BEST2: variants seen among roughly 807,000 people sequenced by gnomAD.
BEST2 encodes bestrophin-2a.
A neutral mutation model predicts 49.0 loss-of-function variants in BEST2; 36 were observed. The ratio of observed to expected loss-of-function variants is 0.73; its 90% CI spans 0.56 to 0.97. BEST2 has a LOEUF of 0.97. Among genes scored for constraint, BEST2 ranks in the 50% least tolerant of loss-of-function variants. BEST2 has a pLI of 0.00. For synonymous variants in BEST2, 335 were observed against 304.4 expected, an observed-to-expected ratio of 1.10 and a Z score of -1.05; for missense variants, 672 against 710.0, an observed-to-expected ratio of 0.95 and a Z score of 0.61.
rs867456508 is a variant in BEST2 at position 12,754,907 on chromosome 19, T to C, written c.512T>C (p.Phe171Ser). The change falls in exon 5 of 10, where the codon TTT (phenylalanine) becomes TCT (serine). Residue 171 changes from phenylalanine (F) to serine (S), a missense_variant. Phe to Ser is a radical substitution (Grantham distance 155). Coordinates refer to ENST00000553030, the MANE Select transcript of BEST2 (RefSeq NM_017682.3). Reference sequence around the variant, plus strand: ...ATGACCCGCGAGGAGCGCAAGAAGTTTGAAAACCTGAACTCATCCTACAAC... The same window carrying C: ...ATGACCCGCGAGGAGCGCAAGAAGTCTGAAAACCTGAACTCATCCTACAAC... ...GFMTREERKK[F>S]ENLNSSYNKY... The C allele has an allele frequency of 1.9e-6, 3 of 1,613,530 alleles. No homozygotes were observed. The highest frequency in any genetic ancestry group is 1.3e-5 in the African/African-American group (1 of 74,894).
chr19:12,752,350 G>A (rs1035861513), intron 1 of BEST2, among the ~76,000 whole-genome samples, 192 bp from the exon 2 acceptor site: 6 of 151,830 alleles, frequency 4.0e-5, no homozygotes, highest in African/African-American at 7.3e-5. Flanking sequence ...CAGAGCCCAC[G>A]GCCAGGAGTC....
In BEST2 at chr19:12,757,967, A is replaced by G. The variant is rs1470379023; in HGVS notation, c.1420A>G (p.Ile474Val). 1.2e-6 allele frequency: 2 copies of G among 1,607,764 alleles called. No homozygotes were observed. Among genetic ancestry groups the G allele is most frequent in the Admixed American group, 3.4e-5 (2 of 59,264 alleles). ...PPAGPEPLTL[I>V]PGPVEPFSIV... ...TGCGGGTCCCGAACCGCTTACCCTC[A>G]TCCCTGGGCCTGTCGAGCCCTTCAG... Residue 474 changes from isoleucine (I) to valine (V), a missense_variant, in exon 10 of 10, where the codon ATC (isoleucine) becomes GTC (valine). Transcript: ENST00000553030.
rs759214860 is a variant in BEST2, at chr19:12,755,451, A to G, written c.709A>G (p.Thr237Ala). Residue 237 changes from threonine (T) to alanine (A), a missense_variant, in exon 6 of 10, where the codon ACG (threonine) becomes GCG (alanine). Physicochemically the swap from Thr to Ala is moderately conservative, Grantham distance 58 (BLOSUM62 0). Around this residue, in one of 3 missense-constraint regions of BEST2, gnomAD observed 365 missense variants for 390.9 expected, o/e 0.93. Transcript: ENST00000553030. This position sits in a 1 kb window ranked among gnomAD's most constrained non-coding sequence, Gnocchi z 4.4. ...CTGGATTAGCGTACCCCTCGTGTAC[A>G]CGCAGGTAACCCCATCATGCCTCTT... ...YDWISVPLVYTQVVTIALYSY... is the reference protein window; with the variant it reads ...YDWISVPLVYAQVVTIALYSY... The G allele has an allele frequency of 9.3e-6, 15 of 1,614,122 alleles. No homozygotes were observed. The highest frequency in any genetic ancestry group is 1.0e-5 in the Non-Finnish European group (12 of 1,180,006).
At chr19:12,756,109 C>G in intron 8 of BEST2, 32 bp from the exon 9 acceptor site, 2 of 1,613,352 alleles carry the variant, frequency 1.2e-6, no homozygotes, top group South Asian at 2.2e-5. Flanking sequence ...GTTGCCCTGC[C>G]CCCACTTTAC....
chr19:12,756,097 G>T (rs371229829), intron 8 of BEST2, 44 bp from the exon 9 acceptor site: 2 of 1,612,272 alleles, frequency 1.2e-6, no homozygotes, highest in South Asian at 1.1e-5. Flanking sequence ...TGGTCCCGGC[G>T]GGTTGCCCTG....
chr19:12,752,696 A>G lies in BEST2; in HGVS notation c.104A>G (p.Glu35Gly). ...AGCATCTACAAACTCCTGTGGCGAG[A>G]GCTGCTCTGCTTCCTTGGGTTCTAC... is the stretch of plus-strand genomic sequence containing the variant. ...RGSIYKLLWR[E>G]LLCFLGFYMA... Residue 35 changes from glutamate to glycine, a missense_variant, in exon 2 of 10, where the codon GAG (glutamate) becomes GGG (glycine). Glu to Gly is a moderately conservative substitution (Grantham distance 98). This residue lies in a region of BEST2 where 365 missense variants were observed against 390.9 expected (regional missense o/e 0.93). Coordinates refer to ENST00000553030, the MANE Select transcript of BEST2 (RefSeq NM_017682.3). The G allele has an allele frequency of 3.7e-6, 6 of 1,612,192 alleles. No homozygotes were observed. The highest frequency in any genetic ancestry group is 5.1e-6 in the Non-Finnish European group (6 of 1,179,800).
intron 2 of BEST2, 95 bp downstream of exon 2, chr19:12,752,839 A>AT: frequency 1.1e-6 from 1 of 901,560 alleles, no homozygotes; most frequent in Non-Finnish European, 1.4e-6. Context: ...AGAGATATAT[A>AT]AGTATATATA....
rs1282890594 is a variant in BEST2 at position 12,755,777 on chromosome 19, T to TGATC, written c.867+11_867+14dup. The stretch of plus-strand genomic sequence containing the variant: ...CGCCGGCTGGCTCAAGGTAGGTGGG[T>TGATC]GATCCAGGCTGGAATTTCGTGGGTG... On this transcript the variant is annotated intron_variant, in intron 7 of 9. Transcript: ENST00000553030. The surrounding 1 kb of genome is among the most constrained non-coding windows in gnomAD (Gnocchi z 4.4). 1 of 1,613,828 alleles carries TGATC rather than the reference T, an allele frequency of 6.2e-7. No homozygotes were observed. The highest frequency in any genetic ancestry group is 1.1e-5 in the South Asian group (1 of 91,070).
chr19:12,752,880 A>C, intron 2 of BEST2, 136 bp downstream of exon 2: 1 of 711,510 alleles, frequency 1.4e-6, no homozygotes. Flanking sequence ...ATGGAGTCTC[A>C]CTCTGTCACC....
At chr19:12,757,563 G>C in intron 9 of BEST2, 88 bp from the exon 10 acceptor site, 1 of 1,385,116 alleles carries the variant, frequency 7.2e-7, no homozygotes, top group Non-Finnish European at 9.6e-7. Flanking sequence ...CAAAGCGGTG[G>C]GTGGAGTCAG....
At chr19:12,756,636 C>T (rs1967947849) in intron 9 of BEST2, 1 of 286,874 alleles carries the variant, frequency 3.5e-6, no homozygotes. Flanking sequence ...TTGAGCAAGC[C>T]CAGGAGTTCA....
At position 12,754,712 on chromosome 19, in the gene BEST2, C is replaced by A; in HGVS notation, c.408C>A (p.Ala136=). 6.3e-7 allele frequency: 1 copy of A among 1,590,922 alleles called. No homozygotes were observed. The highest frequency in any genetic ancestry group is 1.3e-5 in the African/African-American group (1 of 74,698). ...RTLMRYAGLS[A]VLILRSVSTA... is the part of the protein sequence containing the mutation. ...TCATGCGCTACGCAGGGCTCTCGGC[C>A]GTGCTCATCCTGCGCTCCGTCAGCA... Residue 136 remains alanine, a synonymous_variant, in exon 4 of 10, where the codon GCC becomes GCA. Coordinates refer to ENST00000553030, the MANE Select transcript of BEST2 (RefSeq NM_017682.3).
Position 12,758,127 on chromosome 19 carries a change from C to A in BEST2, c.*50C>A. The A allele has an allele frequency of 6.3e-7, 1 of 1,582,760 alleles. No homozygotes were observed. The highest frequency in any genetic ancestry group is 2.3e-5 in the East Asian group (1 of 44,358). On this transcript the variant is annotated 3_prime_UTR_variant, in exon 10 of 10. Transcript: ENST00000553030. The stretch of plus-strand genomic sequence containing the variant: ...GACAGGGAACCAGGTCCCTGCACGG[C>A]ACCCACGCAGGTGTCCCGGTCTGCA...
chr19:12,755,814 G>A lies in BEST2; in HGVS notation c.868-41G>A. 6.2e-7 allele frequency: 1 copy of A among 1,613,664 alleles called. No homozygotes were observed. Among genetic ancestry groups the A allele is most frequent in the East Asian group, 2.2e-5 (1 of 44,866 alleles). On this transcript the variant is annotated intron_variant, in intron 7 of 9. Coordinates refer to ENST00000553030, the MANE Select transcript of BEST2 (RefSeq NM_017682.3). The surrounding 1 kb of genome is among the most constrained non-coding windows in gnomAD (Gnocchi z 4.4). ...GAATTTCGTGGGTGGGGCGGGCATG[G>A]GGTTCCCAAGTTTCCACCTAACTGC... is the stretch of plus-strand genomic sequence containing the variant.
In BEST2 at chr19:12,758,349, T is replaced by C; in HGVS notation, c.*272T>C. Reference sequence around the variant, plus strand: ...TCCTGCCTGAATTCTTTCCTTCAAGTGAAGATGTGACTGACTACCTCCTCG... The same window carrying C: ...TCCTGCCTGAATTCTTTCCTTCAAGCGAAGATGTGACTGACTACCTCCTCG... On this transcript the variant is annotated 3_prime_UTR_variant, in exon 10 of 10. Transcript: ENST00000553030. The C allele has an allele frequency of 1.9e-6, 1 of 520,202 alleles. No homozygotes were observed. The highest frequency in any genetic ancestry group is 3.4e-6 in the Non-Finnish European group (1 of 297,824). 32.2% of individuals were successfully genotyped at this position (520,202 alleles called of 1,614,324 possible).
At chr19:12,757,163 G>A (rs1285189454) in intron 9 of BEST2, among the ~76,000 whole-genome samples, 1 of 150,780 alleles carries the variant, frequency 6.6e-6, no homozygotes, top group Non-Finnish European at 1.5e-5. Flanking sequence ...AAATAGGCCG[G>A]GTGCGGTGGC....
chr19:12,758,150 G>A lies in BEST2; in HGVS notation c.*73G>A. 6.6e-7 allele frequency: 1 copy of A among 1,518,240 alleles called. No individual in the cohort carries two copies. 94.0% of individuals were successfully genotyped at this position (1,518,240 alleles called of 1,614,324 possible). ...GGCACCCACGCAGGTGTCCCGGTCT[G>A]CATAAGCCTCGTGTGCCTTTGTAAA... On this transcript the variant is annotated 3_prime_UTR_variant, in exon 10 of 10. Transcript: ENST00000553030.
chr19:12,754,497 C>G, intron 3 of BEST2, 55 bp from the exon 4 acceptor site: 4 of 1,398,668 alleles, frequency 2.9e-6, no homozygotes, highest in Non-Finnish European at 3.8e-6. Context: ...ACCTGGGCCC[C>G]CAAACCCCTG....
rs751886195 is a variant in BEST2 at position 12,757,960 on chromosome 19, T to C, written c.1413T>C (p.Leu471=). ...CGCCCCCTGCGGGTCCCGAACCGCT[T>C]ACCCTCATCCCTGGGCCTGTCGAGC... ...EAPPPAGPEP[L]TLIPGPVEPF... The change falls in exon 10 of 10, where the codon CTT becomes CTC. Residue 471 remains leucine, a synonymous_variant. Transcript: ENST00000553030. 52 of 1,604,936 alleles carry C rather than the reference T, an allele frequency of 3.2e-5. No homozygotes were observed. The highest frequency in any genetic ancestry group is 4.2e-5 in the Non-Finnish European group (49 of 1,177,210).
Sources: allele counts gnomAD v4.1 joint callset (sites outside exome capture counted in the v4.1 genomes callset), GRCh38; gene constraint gnomAD v4.1.1; regional missense constraint gnomAD v4.1.1; non-coding constraint Gnocchi (gnomAD v3.1); transcripts MANE v1.5; gene names NCBI Gene and HGNC (gene_info 2026-07-23, HGNC 2026-07-21).